Variants in RSPH14 observed in about 807,000 individuals in gnomAD.
RSPH14 encodes rhabdoid tumor deletion region gene 1.
In RSPH14, 20 loss-of-function variants were observed where a neutral mutation model predicts 26.7. The observed-to-expected ratio is 0.75, with a 90% confidence interval of 0.53 to 1.09. The LOEUF (loss-of-function observed/expected upper bound fraction) is 1.09, where lower values mean the gene tolerates loss of function less well. Ranked by LOEUF, RSPH14 falls within the 50% of genes least tolerant of loss-of-function variation. RSPH14 has a pLI of 0.00. For missense variants in RSPH14, 449 were observed against 457.2 expected, an observed-to-expected ratio of 0.98 and a Z score of 0.16; for synonymous variants, 177 against 189.3, an observed-to-expected ratio of 0.93 and a Z score of 0.53.
At chr22:23,138,363 AC>A (rs928870313) in intron 3 of RSPH14, among the ~76,000 whole-genome samples, 3 of 152,126 alleles carry the variant, frequency 2.0e-5, no homozygotes, top group Admixed American at 1.3e-4. Context: ...GGAATTTGAA[AC>A]CAGGCTGGCC....
chr22:23,063,907 A>G lies in RSPH14; in HGVS notation c.648T>C (p.Asn216=). The G allele has an allele frequency of 1.1e-5, 18 of 1,614,082 alleles. No individual in the cohort carries two copies. Among genetic ancestry groups the G allele is most frequent in the Non-Finnish European group, 1.5e-5 (18 of 1,179,968 alleles). ...CAGCCTAGGCCAGGCCTCACCTGAC[A>G]TTAAGGAGCGCACGGGCGGCCTTGC... ...IRSKAARALL[N]VSISREGKKQ... The change falls in exon 5 of 7, where the codon AAT becomes AAC. Residue 216 remains asparagine (N), a synonymous_variant. Coordinates refer to ENST00000216036, the MANE Select transcript of RSPH14 (RefSeq NM_014433.3).
chr22:23,072,386 G>A (rs1245038048), intron 4 of RSPH14, among the ~76,000 whole-genome samples: 1 of 152,166 alleles, frequency 6.6e-6, no homozygotes, highest in Non-Finnish European at 1.5e-5. Context: ...GGAGATGCTG[G>A]CATCTGGTTT....
intron 4 of RSPH14, chr22:23,131,773 G>T: frequency 2.0e-6 from 1 of 504,562 alleles, no homozygotes; most frequent in Non-Finnish European, 3.8e-6. Flanking sequence ...CCTGGGGCAT[G>T]CATGACTGTC....
chr22:23,077,386 CT>C (rs1219920461), intron 4 of RSPH14, among the ~76,000 whole-genome samples: 4 of 152,166 alleles, frequency 2.6e-5, no homozygotes, highest in Non-Finnish European at 5.9e-5. Flanking sequence ...TCATGGCAGC[CT>C]CTTTCTGTAC....
intron 4 of RSPH14, among the ~76,000 whole-genome samples, chr22:23,126,310 C>T (rs2070180601): frequency 6.6e-6 from 1 of 152,290 alleles, no homozygotes. Context: ...CCATAGGCTG[C>T]AGAGAAACCT....
chr22:23,157,895 G>A, the RSPH14 span: 1 of 1,587,602 alleles, frequency 6.3e-7, no homozygotes, highest in Non-Finnish European at 8.6e-7. Flanking sequence ...TTGGGGGGCT[G>A]CCCTGGCAGT....
At chr22:23,152,390 G>A in the RSPH14 span, 1 of 1,508,510 alleles carries the variant, frequency 6.6e-7, no homozygotes, top group Non-Finnish European at 9.2e-7. Context: ...CTCAGGGAAG[G>A]AAGGGGCTGT....
chr22:23,119,455 A>T (rs537921722), intron 4 of RSPH14, among the ~76,000 whole-genome samples: 3 of 152,256 alleles, frequency 2.0e-5, no homozygotes, highest in African/African-American at 7.2e-5. Context: ...CCCATCTCTG[A>T]GAGCTGCAGG....
chr22:23,073,777 G>A (rs553140577), intron 4 of RSPH14, among the ~76,000 whole-genome samples: 1 of 152,348 alleles, frequency 6.6e-6, no homozygotes, highest in African/African-American at 2.4e-5. Context: ...AGCGCCTGCT[G>A]CATGCCAGGC....
chr22:23,076,643 AG>A (rs1302549249), intron 4 of RSPH14, among the ~76,000 whole-genome samples: 1 of 152,224 alleles, frequency 6.6e-6, no homozygotes, highest in East Asian at 1.9e-4. Context: ...CGGGCCACTC[AG>A]TGATGCAATG....
At position 23,071,747 on chromosome 22, in the gene RSPH14, G is replaced by C. The variant is rs548778418; in HGVS notation, c.422-7614C>G. ...GGACCTCAGAGTGGTGTCCTGGGCT[G>C]GGGGGTCAGGTGAGCTCGTGGGCAA... is the stretch of plus-strand genomic sequence containing the variant. On this transcript the variant is annotated intron_variant, in intron 4 of 6. Transcript: ENST00000216036. The surrounding 1 kb of genome is among the most constrained non-coding windows in gnomAD (Gnocchi z 4.1). Among the ~76,000 whole-genome samples the C allele has an allele frequency of 3.9e-4, 60 of 152,306 alleles. No homozygotes were observed. The highest frequency in any genetic ancestry group is 1.4e-3 in the African/African-American group (57 of 41,550).
At chr22:23,086,915 T>G (rs543362096) in intron 4 of RSPH14, among the ~76,000 whole-genome samples, 1 of 152,088 alleles carries the variant, frequency 6.6e-6, no homozygotes, top group Non-Finnish European at 1.5e-5. Flanking sequence ...GGCCAGGCCC[T>G]GGGAAACCCA....
chr22:23,107,307 A>G (rs2069512615), intron 4 of RSPH14, among the ~76,000 whole-genome samples: 1 of 152,100 alleles, frequency 6.6e-6, no homozygotes, highest in South Asian at 2.1e-4. Context: ...CCTGGGACCT[A>G]CAGGCCTGAG....
intron 5 of RSPH14, 34 bp downstream of exon 5, chr22:23,063,868 C>A (rs1481798675): frequency 1.2e-6 from 2 of 1,601,644 alleles, no homozygotes; most frequent in South Asian, 2.2e-5. Context: ...CTTCTCCCAG[C>A]CTTGGTAGAA....
At chr22:23,164,038 G>A in the RSPH14 span, 1 of 152,262 alleles carries the variant, frequency 6.6e-6, no homozygotes, top group Non-Finnish European at 1.5e-5. Context: ...GCGTACTCAG[G>A]AAGGCCCTTC....
the RSPH14 span, among the ~76,000 whole-genome samples, chr22:23,160,199 C>A: frequency 6.6e-6 from 1 of 152,166 alleles, no homozygotes; most frequent in Non-Finnish European, 1.5e-5. Context: ...TTCAGCCCAG[C>A]GCAAACAACT....
At chr22:23,083,519 T>A (rs1201778115) in intron 4 of RSPH14, among the ~76,000 whole-genome samples, 2 of 152,196 alleles carry the variant, frequency 1.3e-5, no homozygotes, top group African/African-American at 4.8e-5. Flanking sequence ...CCATCTGTTC[T>A]GCGAATCTTT....
At chr22:23,080,294 A>G (rs1294186410) in intron 4 of RSPH14, among the ~76,000 whole-genome samples, 1 of 152,214 alleles carries the variant, frequency 6.6e-6, no homozygotes, top group Non-Finnish European at 1.5e-5. Flanking sequence ...GCCAAAAGAC[A>G]GGACAGGTGG....
At chr22:23,079,071 T>C (rs2068596672) in intron 4 of RSPH14, among the ~76,000 whole-genome samples, 1 of 152,194 alleles carries the variant, frequency 6.6e-6, no homozygotes, top group Non-Finnish European at 1.5e-5. Flanking sequence ...TGCTTGGTGC[T>C]AGGTCCATGT....
Sources: allele counts gnomAD v4.1 joint callset (sites outside exome capture counted in the v4.1 genomes callset), GRCh38; gene constraint gnomAD v4.1.1; non-coding constraint Gnocchi (gnomAD v3.1); transcripts MANE v1.5; gene names NCBI Gene and HGNC (gene_info 2026-07-23, HGNC 2026-07-21).